The following GVQW3 variants were observed in gnomAD, a reference collection of about 807,000 sequenced individuals.
GVQW3 encodes the protein protein GVQW3.
Under a neutral mutation model 12.5 loss-of-function variants are expected in GVQW3, and 7 were observed. The observed-to-expected ratio is 0.56, with a 90% CI of 0.32 to 1.05. The LOEUF (loss-of-function observed/expected upper bound fraction) is 1.05, where lower values mean the gene tolerates loss of function less well. Ranked by LOEUF, GVQW3 falls within the 50% of genes least tolerant of loss-of-function variation. The probability of loss-of-function intolerance (pLI) is 0.04; values close to 1 mark genes in which losing one functional copy is unlikely to be tolerated. For synonymous variants in GVQW3, 71 were observed against 67.2 expected, an observed-to-expected ratio of 1.06 and a Z score of -0.28; for missense variants, 188 against 190.8, an observed-to-expected ratio of 0.99 and a Z score of 0.09.
rs747051020 is a variant in GVQW3 at position 76,381,706 on chromosome 11, C to A, written c.-123C>A. The stretch of plus-strand genomic sequence containing the variant: ...CATAAAAGCAATTACTCTTTCCCGG[C>A]GAGGCTTCTAGAAGAGCAAGAAGAG... On this transcript the variant is annotated 5_prime_UTR_variant, in exon 1 of 2. Transcript: ENST00000529331. 6.6e-6 allele frequency: 6 copies of A among 905,618 alleles called. No individual in the cohort carries two copies. Among genetic ancestry groups the A allele is most frequent in the Non-Finnish European group, 9.6e-6 (6 of 627,956 alleles). 56.1% of individuals were successfully genotyped at this position (905,618 alleles called of 1,614,324 possible).
In GVQW3 at chr11:76,405,375, T is replaced by G. The variant is rs1947029761; in HGVS notation, c.*1617T>G. The G allele has an allele frequency of 6.6e-6, 1 of 152,268 alleles. No individual in the cohort carries two copies. Among genetic ancestry groups the G allele is most frequent in the Non-Finnish European group, 1.5e-5 (1 of 68,062 alleles). 9.4% of individuals were successfully genotyped at this position (152,268 alleles called of 1,614,324 possible). ...TATTTGGCATGGAGTCGGTACTCAA[T>G]AAGCATTAGCTATTTGGCGTGCCTG... On this transcript the variant is annotated 3_prime_UTR_variant, in exon 2 of 2. Transcript: ENST00000529331.
chr11:76,401,295 C>T (rs1946986907), intron 1 of GVQW3, among the ~76,000 whole-genome samples: 1 of 151,908 alleles, frequency 6.6e-6, no homozygotes, highest in African/African-American at 2.4e-5. Context: ...CTATTTTGAT[C>T]TTTTTTTTCC....
chr11:76,394,653 G>A (rs1017207342), intron 1 of GVQW3, among the ~76,000 whole-genome samples: 1 of 152,146 alleles, frequency 6.6e-6, no homozygotes, highest in African/African-American at 2.4e-5. Context: ...AAAAAACATG[G>A]GAGTGCAGGT....
chr11:76,382,552 A>C, intron 1 of GVQW3: 2 of 595,034 alleles, frequency 3.4e-6, no homozygotes, highest in South Asian at 4.1e-5. Context: ...AGTCTTCACC[A>C]CTCCTCCCTA....
At chr11:76,382,497 C>G (rs1390601301) in intron 1 of GVQW3, 4 of 620,104 alleles carry the variant, frequency 6.5e-6, no homozygotes, top group Non-Finnish European at 8.6e-6. Context: ...AACTAGGATG[C>G]TGCCTCACTG....
At chr11:76,409,715 G>A (rs928112875), downstream of GVQW3, among the ~76,000 whole-genome samples, 1 of 152,164 alleles carries the variant, frequency 6.6e-6, no homozygotes, top group Non-Finnish European at 1.5e-5. Context: ...GGGCAGGACT[G>A]AGCTTCCTAA....
chr11:76,387,307 G>A (rs1239952474), intron 1 of GVQW3, among the ~76,000 whole-genome samples: 1 of 151,996 alleles, frequency 6.6e-6, no homozygotes, highest in Non-Finnish European at 1.5e-5. Context: ...GTGGTGGTGT[G>A]TGTCTGTAAT....
chr11:76,401,550 G>C (rs1946989106), intron 1 of GVQW3, among the ~76,000 whole-genome samples: 1 of 151,982 alleles, frequency 6.6e-6, no homozygotes, highest in Non-Finnish European at 1.5e-5. Context: ...GAGGCAGGCG[G>C]ATCACCTGAG....
At chr11:76,398,605 G>A (rs148566589) in intron 1 of GVQW3, among the ~76,000 whole-genome samples, 8 of 152,250 alleles carry the variant, frequency 5.3e-5, no homozygotes, top group African/African-American at 1.9e-4. Context: ...GAGCCACTGT[G>A]CCTGGCCTCA....
chr11:76,402,552 C>CAA (rs201157273), intron 1 of GVQW3, among the ~76,000 whole-genome samples: 29,991 of 127,490 alleles, frequency 0.24, 3,258 homozygotes, highest in Admixed American at 0.35. Context: ...GACTCTGTCT[C>CAA]AAAAAAAAAA....
chr11:76,404,047 T>G lies in GVQW3; in HGVS notation c.*289T>G. The G allele has an allele frequency of 3.5e-6, 2 of 571,302 alleles. No homozygotes were observed. Among genetic ancestry groups the G allele is most frequent in the Non-Finnish European group, 6.5e-6 (2 of 309,974 alleles). 35.4% of individuals were successfully genotyped at this position (571,302 alleles called of 1,614,324 possible). A position where few individuals can be genotyped will look rare whatever the true frequency, so the allele number is the denominator to read the frequency against. ...CACAGACACACCCAGAAATAATGTT[T>G]TCCCATCTATCTCAGTACCCCATGA... On this transcript the variant is annotated 3_prime_UTR_variant, in exon 2 of 2. Coordinates refer to ENST00000529331, the MANE Select transcript of GVQW3 (RefSeq NM_001347885.2).
intron 1 of GVQW3, among the ~76,000 whole-genome samples, chr11:76,387,949 T>C (rs1946852625): frequency 6.6e-6 from 1 of 152,116 alleles, no homozygotes; most frequent in African/African-American, 2.4e-5. Flanking sequence ...TTGTGGAATA[T>C]TGGAGGGACT....
At position 76,403,786 on chromosome 11, in the gene GVQW3, T is replaced by G; in HGVS notation, c.*28T>G. 1.7e-6 allele frequency: 1 copy of G among 582,066 alleles called. No homozygotes were observed. Among genetic ancestry groups the G allele is most frequent in the Non-Finnish European group, 3.2e-6 (1 of 315,588 alleles). The allele number at this position is 582,066 out of a possible 1,614,324, so 36.1% of individuals were successfully genotyped here. ...CACCATGCCAAGCCAAAACCAGGAGTTCAATGGTGTAAATTCCAGTCTGAG... is the reference window on the plus strand; with the variant it reads ...CACCATGCCAAGCCAAAACCAGGAGGTCAATGGTGTAAATTCCAGTCTGAG... On this transcript the variant is annotated 3_prime_UTR_variant, in exon 2 of 2. Coordinates refer to ENST00000529331, the MANE Select transcript of GVQW3 (RefSeq NM_001347885.2).
chr11:76,400,004 T>TACACAC (rs1346744906), intron 1 of GVQW3, among the ~76,000 whole-genome samples: 9 of 78,854 alleles, frequency 1.1e-4, no homozygotes, highest in South Asian at 4.9e-4. Flanking sequence ...TCTCTCTCTG[T>TACACAC]ATACACACAC....
chr11:76,410,154 C>A (rs1283572378), downstream of GVQW3, among the ~76,000 whole-genome samples: 5 of 152,126 alleles, frequency 3.3e-5, 1 homozygote, highest in Non-Finnish European at 7.4e-5. Flanking sequence ...AGTCGGGAGG[C>A]TGAGATGGGA....
intron 1 of GVQW3, among the ~76,000 whole-genome samples, chr11:76,401,502 G>GATAAA (rs1946988565): frequency 1.3e-5 from 2 of 151,964 alleles, no homozygotes; most frequent in South Asian, 4.1e-4. Context: ...TGCCGGGCGT[G>GATAAA]GTGGCTCACG....
At chr11:76,403,003 A>G (rs1482228211) in intron 1 of GVQW3, among the ~76,000 whole-genome samples, 1 of 152,132 alleles carries the variant, frequency 6.6e-6, no homozygotes, top group African/African-American at 2.4e-5. Context: ...GCTGGAGTGC[A>G]GTGGCGCAAT....
In GVQW3 at chr11:76,407,793, A is replaced by G. The variant is rs917414739; in HGVS notation, c.*4035A>G. On this transcript the variant is annotated 3_prime_UTR_variant, in exon 2 of 2. Transcript: ENST00000529331. ...GAGAAATTGTTAAGAAAATTACAGC[A>G]TACTCATTAAGTGAAATAATGCAGC... is the stretch of plus-strand genomic sequence containing the variant. 6.6e-6 allele frequency: 1 copy of G among 152,154 alleles called. No homozygotes were observed. Among genetic ancestry groups the G allele is most frequent in the African/African-American group, 2.4e-5 (1 of 41,456 alleles). The allele number at this position is 152,154 out of a possible 1,614,324, so 9.4% of individuals were successfully genotyped here.
rs1946772819 is a variant in GVQW3, at chr11:76,381,866, A to G, written c.38A>G (p.Lys13Arg). ...DRYLEQRISI[K>R]FCVKLNKSAS... The stretch of plus-strand genomic sequence containing the variant: ...TATTTAGAACAAAGGATTAGTATCA[A>G]ATTTTGCGTGAAATTGAACAAGTCT... Residue 13 changes from lysine to arginine, a missense_variant, in exon 1 of 2, where the codon AAA (lysine) becomes AGA (arginine). Physicochemically the swap from Lys to Arg is conservative, Grantham distance 26. Coordinates refer to ENST00000529331, the MANE Select transcript of GVQW3 (RefSeq NM_001347885.2). 6.5e-7 allele frequency: 1 copy of G among 1,535,974 alleles called. No homozygotes were observed. Among genetic ancestry groups the G allele is most frequent in the Non-Finnish European group, 8.7e-7 (1 of 1,146,872 alleles).
Sources: gnomAD v4.1 joint callset for allele counts (sites outside exome capture counted in the v4.1 genomes callset) on GRCh38, gnomAD v4.1.1 for gene constraint, MANE v1.5 for transcripts, NCBI Gene and HGNC (gene_info 2026-07-23, HGNC 2026-07-21) for gene names.